Variants in PNLDC1 observed in about 807,000 individuals in gnomAD.
PNLDC1 encodes PARN like ribonuclease domain containing exonuclease 1, also known as poly(A)-specific ribonuclease PNLDC1.
PNLDC1 carries 70 observed loss-of-function variants against 82.0 expected under a neutral mutation model. That is an observed-to-expected ratio of 0.85 (90% CI 0.70 to 1.04). PNLDC1 has a LOEUF of 1.04. PNLDC1 is among the 50% of genes least tolerant of loss of function. The pLI is 0.00. For missense variants in PNLDC1, 631 were observed against 661.1 expected, an observed-to-expected ratio of 0.95 and a Z score of 0.50; for synonymous variants, 280 against 249.3, an observed-to-expected ratio of 1.12 and a Z score of -1.16.
intron 6 of PNLDC1, chr6:159,805,657 CT>C (rs1431663686): frequency 4.1e-6 from 1 of 244,160 alleles, no homozygotes; most frequent in Non-Finnish European, 8.4e-6. Context: ...TTTATCACCC[CT>C]GAAAGCTGAA....
chr6:159,807,331 A>C (rs533536714), intron 7 of PNLDC1, among the ~76,000 whole-genome samples: 23 of 152,256 alleles, frequency 1.5e-4, no homozygotes, highest in African/African-American at 5.5e-4. Flanking sequence ...TGGGAGGCCA[A>C]GGCAATGAGC....
intron 12 of PNLDC1, among the ~76,000 whole-genome samples, chr6:159,814,297 A>AT (rs1345650950): frequency 1.3e-4 from 20 of 152,008 alleles, no homozygotes; most frequent in Non-Finnish European, 2.5e-4. Context: ...TGTGTGTGCG[A>AT]TTTTTTAAAA....
At chr6:159,808,967 C>T (rs778616866) in intron 8 of PNLDC1, 48 bp from the exon 9 acceptor site, 1 of 1,604,276 alleles carries the variant, frequency 6.2e-7, no homozygotes, top group Non-Finnish European at 8.5e-7. Flanking sequence ...TTCTTTAGGC[C>T]TCATTCCTAG....
chr6:159,820,331 G>A, intron 18 of PNLDC1, 123 bp from the exon 19 acceptor site: 1 of 907,260 alleles, frequency 1.1e-6, no homozygotes. Context: ...TTGTCGTCGG[G>A]AGAGTGACAG....
intron 3 of PNLDC1, 110 bp from the exon 4 acceptor site, chr6:159,803,161 C>T: frequency 2.2e-6 from 2 of 914,236 alleles, no homozygotes; most frequent in South Asian, 1.4e-5. Flanking sequence ...TGTTGTACAG[C>T]CCACATAGTA....
At chr6:159,818,294 C>T (rs554226266) in intron 15 of PNLDC1, among the ~76,000 whole-genome samples, 1 of 152,318 alleles carries the variant, frequency 6.6e-6, no homozygotes, top group East Asian at 1.9e-4. Flanking sequence ...TGCTGTTTGT[C>T]ACCAGTGGGA....
At chr6:159,818,683 C>T (rs1297183443) in intron 16 of PNLDC1, 29 bp downstream of exon 16, 2 of 1,590,078 alleles carry the variant, frequency 1.3e-6, no homozygotes, top group South Asian at 2.2e-5. Context: ...GCCCCCTCGC[C>T]CCATTCAGAG....
At chr6:159,810,999 C>T (rs374498182) in intron 10 of PNLDC1, among the ~76,000 whole-genome samples, 1 of 152,122 alleles carries the variant, frequency 6.6e-6, no homozygotes, top group African/African-American at 2.4e-5. Flanking sequence ...GTGAATGACG[C>T]GCGTGGGGCG....
chr6:159,809,627 A>G (rs571336349), intron 9 of PNLDC1, among the ~76,000 whole-genome samples: 2 of 152,124 alleles, frequency 1.3e-5, no homozygotes, highest in East Asian at 3.9e-4. Context: ...TCCTGGATCT[A>G]ACCTTGCTTT....
intron 7 of PNLDC1, 124 bp from the exon 8 acceptor site, chr6:159,808,616 C>T (rs181461279): frequency 1.2e-6 from 1 of 841,650 alleles, no homozygotes; most frequent in South Asian, 1.6e-5. Flanking sequence ...TGGGCTTGGG[C>T]ACCCTTCAAG....
rs1781217779 is a variant in PNLDC1 at position 159,800,775 on chromosome 6, T to C, written c.80T>C (p.Leu27Pro). The C allele has an allele frequency of 1.2e-6, 2 of 1,614,078 alleles. No individual in the cohort carries two copies. Among genetic ancestry groups the C allele is most frequent in the Non-Finnish European group, 1.7e-6 (2 of 1,180,038 alleles). The change falls in exon 2 of 19, where the codon CTG (leucine) becomes CCG (proline). Residue 27 changes from leucine (L) to proline (P), a missense_variant. Transcript: ENST00000392167. ...CTATTTTTTGCCTTCCTGGCAGGTC[T>C]GGACATAGAGTTCACGGGCCTTCGT... is the stretch of plus-strand genomic sequence containing the variant. ...ELVQEADFVG[L>P]DIEFTGLRSN... is the part of the protein sequence containing the mutation.
At chr6:159,808,529 T>TAAAA (rs751817467) in intron 7 of PNLDC1, among the ~76,000 whole-genome samples, 20 of 127,350 alleles carry the variant, frequency 1.6e-4, no homozygotes, top group South Asian at 2.5e-4. Flanking sequence ...GGCCCTGAGA[T>TAAAA]AAAAAAAAAA....
At chr6:159,805,704 G>T (rs1781422619) in intron 6 of PNLDC1, 1 of 389,134 alleles carries the variant, frequency 2.6e-6, no homozygotes, top group Non-Finnish European at 4.9e-6. Context: ...GCTTGGTATT[G>T]GCTAGATACC....
intron 1 of PNLDC1, 180 bp from the exon 2 acceptor site, chr6:159,800,592 C>A: frequency 6.6e-7 from 1 of 1,518,682 alleles, no homozygotes; most frequent in Non-Finnish European, 9.0e-7. Flanking sequence ...GCCAGAGCCC[C>A]GTGCGCCCAG....
chr6:159,808,673 G>A, intron 7 of PNLDC1, 67 bp from the exon 8 acceptor site: 7 of 1,432,492 alleles, frequency 4.9e-6, no homozygotes, highest in Middle Eastern at 2.0e-4. Flanking sequence ...CTCCTCCAGG[G>A]CTTCTCTTGT....
chr6:159,812,685 A>C (rs941701752), intron 11 of PNLDC1, among the ~76,000 whole-genome samples: 4 of 152,194 alleles, frequency 2.6e-5, no homozygotes, highest in African/African-American at 9.6e-5. Flanking sequence ...TGTACTATGC[A>C]TAGAGAAAAG....
At chr6:159,806,763 A>T (rs1015259759) in intron 7 of PNLDC1, among the ~76,000 whole-genome samples, 1 of 152,228 alleles carries the variant, frequency 6.6e-6, no homozygotes, top group Non-Finnish European at 1.5e-5. Context: ...CATCTTTTAA[A>T]TATATGTCAA....
intron 12 of PNLDC1, among the ~76,000 whole-genome samples, chr6:159,815,403 T>A (rs1258925183): frequency 1.3e-5 from 2 of 152,120 alleles, no homozygotes; most frequent in Non-Finnish European, 2.9e-5. Context: ...CTCCCCACCC[T>A]CTTGGCCCTC....
chr6:159,818,450 T>G, intron 15 of PNLDC1, 105 bp from the exon 16 acceptor site: 14 of 1,014,862 alleles, frequency 1.4e-5, no homozygotes, highest in Non-Finnish European at 2.0e-5. Context: ...GGGAGAGCCG[T>G]CCGAGGGAGT....
Sources: gnomAD v4.1 joint callset for allele counts (sites outside exome capture counted in the v4.1 genomes callset) on GRCh38, gnomAD v4.1.1 for gene constraint, MANE v1.5 for transcripts, NCBI Gene and HGNC (gene_info 2026-07-23, HGNC 2026-07-21) for gene names.